Variants in MGA observed in about 807,000 individuals in gnomAD.
MGA encodes MAX gene-associated protein.
In MGA, 40 loss-of-function variants were observed where a neutral mutation model predicts 261.1. The observed-to-expected ratio is 0.15, with a 90% CI of 0.12 to 0.20. The LOEUF is 0.20. Ranked by LOEUF, MGA falls within the 10% of genes least tolerant of loss-of-function variation. MGA has a pLI of 1.00. For synonymous variants in MGA, 1,302 were observed against 1,290.6 expected (o/e 1.01, Z -0.19); for missense variants, 3,397 against 3,630.5 (o/e 0.94, Z 1.65).
rs1195264304 is a variant in MGA, at chr15:41,623,781, T to A, written c.-68+2483T>A. On this transcript the variant is annotated intron_variant, in intron 1 of 8. Transcript: ENST00000566718. ...TATTTATATATATATATATATTTTT[T>A]TTTTTTTTTTGAGAGGGAGTTTCGG... 2.6e-3 allele frequency among the ~76,000 whole-genome samples: 118 copies of A among 44,966 alleles called. No homozygotes were observed. In the East Asian group the frequency reaches 0.12, roughly 48 times the overall value. The allele number at this position is 44,966 out of a possible 152,430, so 29.5% of individuals were successfully genotyped here. A position where few individuals can be genotyped will look rare whatever the true frequency, so the allele number is the denominator to read the frequency against.
At chr15:41,716,890 T>G (rs1020542964) in intron 9 of MGA, among the ~76,000 whole-genome samples, 2 of 152,186 alleles carry the variant, frequency 1.3e-5, no homozygotes, top group Admixed American at 6.5e-5. Flanking sequence ...ACTTTTTTTT[T>G]GTCATTGTAA....
chr15:41,680,358 A>G (rs1372956341), intron 2 of MGA, among the ~76,000 whole-genome samples: 1 of 152,162 alleles, frequency 6.6e-6, no homozygotes, highest in Non-Finnish European at 1.5e-5. Flanking sequence ...TTGCCTTACA[A>G]TTTAAAAAAT....
At chr15:41,673,087 C>T (rs1595657001) in intron 2 of MGA, among the ~76,000 whole-genome samples, 1 of 152,268 alleles carries the variant, frequency 6.6e-6, no homozygotes, top group Non-Finnish European at 1.5e-5. Context: ...ACGTGGTTCT[C>T]CTAACTCTTG....
chr15:41,627,337 A>C (rs1022140117), intron 1 of MGA, among the ~76,000 whole-genome samples: 4 of 152,148 alleles, frequency 2.6e-5, no homozygotes, highest in African/African-American at 9.7e-5. Flanking sequence ...TTTTGTAGTC[A>C]TGTCTCCTTA....
At chr15:41,759,438 A>ATGTGTGTG (rs58952352) in intron 19 of MGA, among the ~76,000 whole-genome samples, 16 of 134,840 alleles carry the variant, frequency 1.2e-4, no homozygotes, top group African/African-American at 4.4e-4. Context: ...GCTTCTTAAT[A>ATGTGTGTG]TGTGTGTGTG....
intron 2 of MGA, among the ~76,000 whole-genome samples, chr15:41,674,900 C>A (rs1216393038): frequency 6.6e-6 from 1 of 152,192 alleles, no homozygotes; most frequent in African/African-American, 2.4e-5. Flanking sequence ...TCAAAATGTT[C>A]ATTATTATAG....
chr15:41,732,638 C>G (rs968525940), intron 11 of MGA, among the ~76,000 whole-genome samples: 1 of 152,210 alleles, frequency 6.6e-6, no homozygotes. Context: ...TGTTTATCCT[C>G]TGTGGCCTGT....
chr15:41,767,283 T>G lies in MGA; in HGVS notation c.*3T>G, dbSNP rs571658116. On this transcript the variant is annotated 3_prime_UTR_variant, in exon 24 of 24. Coordinates refer to ENST00000219905, the MANE Select transcript of MGA (RefSeq NM_001164273.2). ...CACCAAGTTCTGCAGGGAAATGAAC[T>G]TACTTGTCCTTAAGCAGAAGCCAGG... The G allele has an allele frequency of 2.5e-6, 4 of 1,599,948 alleles. No individual in the cohort carries two copies. The East Asian group carries it at 6.7e-5, about 27-fold the overall frequency.
intron 21 of MGA, 62 bp downstream of exon 21, chr15:41,761,912 T>C: frequency 7.9e-7 from 1 of 1,265,412 alleles, no homozygotes; most frequent in Non-Finnish European, 1.1e-6. Flanking sequence ...GAAGAAATCC[T>C]CAGTAGATCT....
intron 22 of MGA, among the ~76,000 whole-genome samples, chr15:41,763,884 G>A (rs983152640): frequency 3.3e-5 from 5 of 152,120 alleles, no homozygotes; most frequent in African/African-American, 4.8e-5. Context: ...CTGGCTGGGC[G>A]CAGTGGCTCA....
At chr15:41,671,307 T>G (rs2058045743) in intron 2 of MGA, among the ~76,000 whole-genome samples, 2 of 152,186 alleles carry the variant, frequency 1.3e-5, no homozygotes. Context: ...TCTTTTTGTT[T>G]GAACTTGCCT....
intron 8 of MGA, 126 bp from the exon 9 acceptor site, chr15:41,713,025 T>C (rs1163327235): frequency 8.9e-6 from 12 of 1,348,396 alleles, no homozygotes; most frequent in Non-Finnish European, 1.0e-5. Context: ...GTCCTTTGAA[T>C]CTGCATTAGT....
intron 1 of MGA, among the ~76,000 whole-genome samples, chr15:41,644,346 C>CAAAAAAA (rs34743222): frequency 1.5e-5 from 1 of 65,694 alleles, no homozygotes; most frequent in Non-Finnish European, 2.8e-5. Context: ...CCATCTGTAC[C>CAAAAAAA]AAAAAAAAAA....
chr15:41,743,021 T>C lies in MGA; in HGVS notation c.5061T>C (p.Thr1687=), dbSNP rs771108761. Residue 1687 remains threonine, a synonymous_variant, in exon 15 of 24, where the codon ACT becomes ACC. Transcript: ENST00000219905. ...TGGTAGCATCTCCTTCAACCATAAC[T>C]CTTCCTGTTGCTTCCACTGCTTCCA... 6.2e-7 allele frequency: 1 copy of C among 1,614,020 alleles called. No homozygotes were observed. The highest frequency in any genetic ancestry group is 8.5e-7 in the Non-Finnish European group (1 of 1,179,890).
intron 5 of MGA, among the ~76,000 whole-genome samples, chr15:41,704,717 C>A (rs1360064938): frequency 6.6e-6 from 1 of 152,058 alleles, no homozygotes; most frequent in Non-Finnish European, 1.5e-5. Flanking sequence ...ATAATATGTG[C>A]TTTTCTATTC....
chr15:41,769,040 C>T lies in MGA; in HGVS notation c.*1760C>T, dbSNP rs1262150850. ...AGTGCTCCTCAGCTTCTTATCCTTC[C>T]ACTCTTTACCCAGCAGATTTCATTC... On this transcript the variant is annotated 3_prime_UTR_variant, in exon 24 of 24. Transcript: ENST00000219905. The T allele has an allele frequency of 1.3e-5, 2 of 152,668 alleles. No homozygotes were observed. The highest frequency in any genetic ancestry group is 6.5e-5 in the Admixed American group (1 of 15,282). The allele number at this position is 152,668 out of a possible 1,614,324, so 9.5% of individuals were successfully genotyped here.
intron 2 of MGA, among the ~76,000 whole-genome samples, chr15:41,679,979 GTAT>G (rs1362737224): frequency 6.6e-6 from 1 of 152,090 alleles, no homozygotes; most frequent in Non-Finnish European, 1.5e-5. Context: ...ACACCTTTTT[GTAT>G]TATTTATTGA....
chr15:41,642,769 C>T (rs965148502), intron 1 of MGA, among the ~76,000 whole-genome samples: 5 of 150,232 alleles, frequency 3.3e-5, no homozygotes, highest in Non-Finnish European at 1.5e-5. Flanking sequence ...CCACTGTACC[C>T]GGCCATTTTT....
At chr15:41,638,688 C>CTTTTTTTTTTTTTT (rs761492514) in intron 1 of MGA, among the ~76,000 whole-genome samples, 2 of 115,654 alleles carry the variant, frequency 1.7e-5, no homozygotes, top group Admixed American at 8.7e-5. Flanking sequence ...TTTTCTTTTT[C>CTTTTTTTTTTTTTT]TTTTTTTTTT....
Sources: gnomAD v4.1 joint callset for allele counts (sites outside exome capture counted in the v4.1 genomes callset) on GRCh38, gnomAD v4.1.1 for gene constraint, MANE v1.5 for transcripts, NCBI Gene and HGNC (gene_info 2026-07-23, HGNC 2026-07-21) for gene names.